Variants in TENM1 observed in about 807,000 individuals in gnomAD.
The protein encoded by TENM1 is teneurin transmembrane protein 1, also known as teneurin-1.
A neutral mutation model predicts 174.8 loss-of-function variants in TENM1; 35 were observed. That is an observed-to-expected ratio of 0.20 (90% CI 0.15 to 0.27). The LOEUF (loss-of-function observed/expected upper bound fraction) is 0.27, where lower values mean the gene tolerates loss of function less well. Ranked by LOEUF, TENM1 falls within the 10% of genes least tolerant of loss-of-function variation. TENM1 has a pLI of 1.00. For missense variants in TENM1, 1,633 were observed against 2,130.1 expected (o/e 0.77, Z 4.59); for synonymous variants, 781 against 798.7 (o/e 0.98, Z 0.37).
intron 3 of TENM1, among the ~76,000 whole-genome samples, chrX:124,882,748 T>C (rs890646866): frequency 4.5e-5 from 5 of 112,295 alleles, no homozygotes; most frequent in Admixed American, 9.4e-5. Flanking sequence ...TTTGGTTCCA[T>C]ATAAATTTTG....
intron 7 of TENM1, 146 bp from the exon 11 acceptor site, chrX:124,652,270 T>C: frequency 1.3e-6 from 1 of 756,233 alleles, no homozygotes; most frequent in Non-Finnish European, 1.8e-6. Flanking sequence ...TAAGTATATT[T>C]AGACTTGGCC....
At chrX:124,836,894 T>C (rs1394919141) in intron 3 of TENM1, among the ~76,000 whole-genome samples, 1 of 111,845 alleles carries the variant, frequency 8.9e-6, no homozygotes, top group Non-Finnish European at 1.9e-5. Context: ...TCTCACAGTA[T>C]ATGTTTTGGA....
intron 22 of TENM1, among the ~76,000 whole-genome samples, chrX:124,478,438 T>A (rs2046780079): frequency 9.9e-6 from 1 of 100,639 alleles, no homozygotes; most frequent in South Asian, 3.7e-4. Flanking sequence ...CTCCATTGGA[T>A]AATTTACTCT....
chrX:124,387,903 G>A (rs1388449382), intron 28 of TENM1, among the ~76,000 whole-genome samples: 1 of 112,095 alleles, frequency 8.9e-6, no homozygotes, highest in Non-Finnish European at 1.9e-5. Flanking sequence ...ACAAAAGGAA[G>A]GAGACTTGGA....
chrX:124,671,770 C>T, exon 6 of TENM1: 1 of 1,210,544 alleles, frequency 8.3e-7, no homozygotes, highest in South Asian at 1.8e-5. Context: ...CCTTTGCTAA[C>T]TCCATTTGCA....
chrX:124,624,148 A>G (rs1387328047), intron 11 of TENM1, among the ~76,000 whole-genome samples: 1 of 111,778 alleles, frequency 8.9e-6, no homozygotes, highest in Non-Finnish European at 1.9e-5. Context: ...AAGTTAAATG[A>G]CTTGCTTAAG....
chrX:124,981,873 G>GAAGCAACCAAGTGAACTAAAAA, the TENM1 span, among the ~76,000 whole-genome samples: 1 of 82,738 alleles, frequency 1.2e-5, no homozygotes. Flanking sequence ...GCAAAAACAG[G>GAAGCAACCAAGTGAACTAAAAA]TGCAGCGCAC....
At chrX:125,055,095 G>A in the TENM1 span, among the ~76,000 whole-genome samples, 19,069 of 110,831 alleles carry the variant, frequency 0.17, 1,307 homozygotes, top group Admixed American at 0.32. Context: ...TACATGATGC[G>A]ATCCTCATAA....
the TENM1 span, among the ~76,000 whole-genome samples, chrX:125,001,907 T>C: frequency 1.4e-5 from 1 of 69,523 alleles, no homozygotes; most frequent in African/African-American, 5.5e-5. Context: ...CTACCTCCAG[T>C]CCATCTGTCT....
the TENM1 span, among the ~76,000 whole-genome samples, chrX:125,099,502 G>A: frequency 2.7e-5 from 3 of 111,936 alleles, no homozygotes; most frequent in East Asian, 2.8e-4. Flanking sequence ...GTAATTTGGG[G>A]CTGCAATAAA....
intron 6 of TENM1, among the ~76,000 whole-genome samples, chrX:124,666,290 C>T (rs2051760075): frequency 9.0e-6 from 1 of 111,308 alleles, no homozygotes; most frequent in Non-Finnish European, 1.9e-5. Flanking sequence ...TCCCAGTGTT[C>T]TATTTTGGCA....
the TENM1 span, among the ~76,000 whole-genome samples, chrX:125,032,161 C>G: frequency 9.3e-6 from 1 of 108,085 alleles, no homozygotes; most frequent in Admixed American, 9.8e-5. Flanking sequence ...CCAGTATGTT[C>G]CTTTTTAAAT....
In TENM1 at chrX:124,526,727, G is replaced by C. The variant is rs148232904; in HGVS notation, c.2772-3102C>G. Among the ~76,000 whole-genome samples, 499 of 112,206 alleles carry C rather than the reference G, an allele frequency of 4.4e-3. 3 individuals are homozygous for C. The highest frequency in any genetic ancestry group is 8.9e-3 in the South Asian group (24 of 2,684). Reference sequence around the variant, plus strand: ...ATAAGTCCAACCAGTCCTATCTACAGATGGAAGGCTATTGACACCTATGCA... The same window carrying C: ...ATAAGTCCAACCAGTCCTATCTACACATGGAAGGCTATTGACACCTATGCA... On this transcript the variant is annotated intron_variant, in intron 16 of 31. Coordinates refer to ENST00000422452, the Ensembl canonical transcript of TENM1.
At chrX:125,083,448 T>C in the TENM1 span, among the ~76,000 whole-genome samples, 1 of 110,194 alleles carries the variant, frequency 9.1e-6, no homozygotes. Flanking sequence ...TGCTCCTCTA[T>C]TACCCATGAG....
At chrX:124,379,634 AC>A (rs1031787369) in exon 32 of TENM1, 1 of 112,202 alleles carries the variant, frequency 8.9e-6, no homozygotes, top group Non-Finnish European at 1.9e-5. Context: ...TAAGTAAATT[AC>A]CGTTCATGTG....
At chrX:124,804,328 C>T (rs1328116452) in intron 3 of TENM1, among the ~76,000 whole-genome samples, 1 of 112,123 alleles carries the variant, frequency 8.9e-6, no homozygotes, top group East Asian at 2.8e-4. Flanking sequence ...TATTCACAAT[C>T]ATTAAATTAT....
At chrX:124,557,184 G>A (rs2048713193) in intron 14 of TENM1, among the ~76,000 whole-genome samples, 1 of 111,300 alleles carries the variant, frequency 9.0e-6, no homozygotes, top group South Asian at 3.8e-4. Flanking sequence ...TGTGGCTACT[G>A]AGCACTTGAG....
chrX:124,863,543 G>A (rs1212529439), intron 3 of TENM1, among the ~76,000 whole-genome samples: 1 of 112,197 alleles, frequency 8.9e-6, no homozygotes, highest in Non-Finnish European at 1.9e-5. Context: ...CTTTTGAAAG[G>A]GGAAAGAAGA....
intron 3 of TENM1, among the ~76,000 whole-genome samples, chrX:124,848,188 G>A (rs1390869737): frequency 9.0e-6 from 1 of 111,014 alleles, no homozygotes; most frequent in Non-Finnish European, 1.9e-5. Context: ...ACACATGCAG[G>A]TATGTGTGCA....
Sources: allele counts gnomAD v4.1 joint callset (sites outside exome capture counted in the v4.1 genomes callset), GRCh38; gene constraint gnomAD v4.1.1; transcripts MANE v1.5; gene names NCBI Gene and HGNC (gene_info 2026-07-23, HGNC 2026-07-21).